JAM3: variants seen among roughly 807,000 people sequenced by gnomAD.
The protein encoded by JAM3 is junctional adhesion molecule C.
A neutral mutation model predicts 39.4 loss-of-function variants in JAM3; 31 were observed. That is an observed-to-expected ratio of 0.79 (90% confidence interval 0.59 to 1.06). The LOEUF is 1.06. Ranked by LOEUF, JAM3 falls within the 50% of genes least tolerant of loss-of-function variation. JAM3 has a pLI of 0.00. For synonymous variants in JAM3, 182 were observed against 148.7 expected, an observed-to-expected ratio of 1.22 and a Z score of -1.63; for missense variants, 455 against 391.4, an observed-to-expected ratio of 1.16 and a Z score of -1.37.
At position 134,147,613 on chromosome 11, in the gene JAM3, A is replaced by AGGCT. The variant is rs541253928; in HGVS notation, c.713-933_713-932insGCTG. Among the ~76,000 whole-genome samples the AGGCT allele has an allele frequency of 1.7e-3, 258 of 151,824 alleles. 3 individuals carry two copies. Among genetic ancestry groups the AGGCT allele is most frequent in the African/African-American group, 5.9e-3 (246 of 41,460 alleles). On this transcript the variant is annotated intron_variant, in intron 6 of 8. Transcript: ENST00000299106. The stretch of plus-strand genomic sequence containing the variant: ...ACCTTTCTCCTGCCTCAGCCTCCTG[A>AGGCT]GTAGCTGGGACTACAGGCACCTGCC...
chr11:134,115,457 A>G (rs188353132), intron 1 of JAM3, among the ~76,000 whole-genome samples: 1 of 151,894 alleles, frequency 6.6e-6, no homozygotes, highest in Admixed American at 6.6e-5. Flanking sequence ...CTTCTTTTCT[A>G]TTGGGTAACT....
intron 1 of JAM3, among the ~76,000 whole-genome samples, chr11:134,084,817 AC>A (rs1941722295): frequency 6.6e-6 from 1 of 152,208 alleles, no homozygotes; most frequent in Admixed American, 6.5e-5. Context: ...TGCTTTAGCT[AC>A]GGTCAGTTAA....
At chr11:134,093,535 A>G (rs1310008059) in intron 1 of JAM3, among the ~76,000 whole-genome samples, 1 of 132,338 alleles carries the variant, frequency 7.6e-6, no homozygotes, top group Non-Finnish European at 1.6e-5. Context: ...AGCCCTCCTT[A>G]TTCATCATGT....
chr11:134,091,889 G>A (rs971557596), intron 1 of JAM3, among the ~76,000 whole-genome samples: 1 of 151,166 alleles, frequency 6.6e-6, no homozygotes, highest in African/African-American at 2.4e-5. Flanking sequence ...ATAAATTTGG[G>A]AAGCTTGAAA....
At chr11:134,125,044 A>G (rs1681345149) in intron 1 of JAM3, among the ~76,000 whole-genome samples, 1 of 152,028 alleles carries the variant, frequency 6.6e-6, no homozygotes, top group African/African-American at 2.4e-5. Context: ...GCGCGTCTCC[A>G]CGAGTCTGTC....
At position 134,144,778 on chromosome 11, in the gene JAM3, C is replaced by CCT. The variant is rs3216140; in HGVS notation, c.410-14_410-13insCT. ...GTCACTGAGATCTTAAACACCACCC[C>CCT]TTTTTCCCCACAGTGAAGCCAGTGA... On this transcript the variant is annotated splice_polypyrimidine_tract_variant and intron_variant, in intron 4 of 8. Coordinates refer to ENST00000299106, the MANE Select transcript of JAM3 (RefSeq NM_032801.5). The CCT allele has an allele frequency of 0.25, 395,709 of 1,609,744 alleles. 52,100 individuals carry two copies. The highest frequency in any genetic ancestry group is 0.47 in the African/African-American group (34,776 of 74,688).
intron 1 of JAM3, among the ~76,000 whole-genome samples, chr11:134,095,971 CATTTT>C (rs1941974929): frequency 6.6e-6 from 1 of 152,070 alleles, no homozygotes; most frequent in African/African-American, 2.4e-5. Flanking sequence ...AGTTGCCATG[CATTTT>C]ATTTATTTAT....
intron 3 of JAM3, among the ~76,000 whole-genome samples, chr11:134,141,749 G>T (rs1283126811): frequency 6.6e-6 from 1 of 152,102 alleles, no homozygotes; most frequent in Non-Finnish European, 1.5e-5. Context: ...CTGGGGCTTG[G>T]CTGTGCCAAG....
At chr11:134,087,237 T>C (rs1941760033) in intron 1 of JAM3, among the ~76,000 whole-genome samples, 1 of 152,112 alleles carries the variant, frequency 6.6e-6, no homozygotes, top group Non-Finnish European at 1.5e-5. Flanking sequence ...ACACACTTTT[T>C]TTGCATATTA....
At chr11:134,091,364 A>G (rs1467405722) in intron 1 of JAM3, among the ~76,000 whole-genome samples, 1 of 152,052 alleles carries the variant, frequency 6.6e-6, no homozygotes, top group African/African-American at 2.4e-5. Flanking sequence ...GTGTGGTGGC[A>G]CGCGCCTGTA....
At chr11:134,095,958 G>A (rs1185229985) in intron 1 of JAM3, among the ~76,000 whole-genome samples, 3 of 152,140 alleles carry the variant, frequency 2.0e-5, no homozygotes, top group Non-Finnish European at 4.4e-5. Flanking sequence ...TGTACATGAT[G>A]TCAGTTGCCA....
In JAM3 at chr11:134,151,181, C is replaced by CT. The variant is rs1057375820; in HGVS notation, c.*2003dup. 1.3e-5 allele frequency: 2 copies of CT among 152,246 alleles called. No individual in the cohort carries two copies. Among genetic ancestry groups the CT allele is most frequent in the Admixed American group, 6.5e-5 (1 of 15,284 alleles). 9.4% of individuals were successfully genotyped at this position (152,246 alleles called of 1,614,324 possible). On this transcript the variant is annotated 3_prime_UTR_variant, in exon 9 of 9. Coordinates refer to ENST00000299106, the MANE Select transcript of JAM3 (RefSeq NM_032801.5). ...CTTCCAGTGTCTTGGGTTTTTTATACTTTGACAGCTTTTTTTTAATTGCAT... is the reference window on the plus strand; with the variant it reads ...CTTCCAGTGTCTTGGGTTTTTTATACTTTTGACAGCTTTTTTTTAATTGCAT...
intron 1 of JAM3, among the ~76,000 whole-genome samples, chr11:134,072,557 G>T (rs772264927): frequency 1.3e-5 from 2 of 152,140 alleles, no homozygotes; most frequent in African/African-American, 4.8e-5. Context: ...TGACCTGCCC[G>T]CCTTGGCCTA....
intron 1 of JAM3, among the ~76,000 whole-genome samples, chr11:134,091,520 G>GATAGATAGATA (rs1565485017): frequency 1.3e-5 from 2 of 150,724 alleles, no homozygotes; most frequent in East Asian, 3.9e-4. Context: ...ATAGATAGAT[G>GATAGATAGATA]GATAGATAGA....
chr11:134,092,884 T>G (rs1451924144), intron 1 of JAM3, among the ~76,000 whole-genome samples: 21 of 142,630 alleles, frequency 1.5e-4, no homozygotes, highest in African/African-American at 2.1e-4. Context: ...TGAGGGAAGC[T>G]TCTCCTGAAC....
intron 1 of JAM3, among the ~76,000 whole-genome samples, chr11:134,121,165 G>A (rs758665278): frequency 6.6e-5 from 10 of 152,196 alleles, no homozygotes; most frequent in Non-Finnish European, 7.3e-5. Context: ...GCTCCAGGGC[G>A]TGAGGAGGTG....
chr11:134,113,937 T>C (rs1259915), intron 1 of JAM3, among the ~76,000 whole-genome samples: 4,506 of 152,346 alleles, frequency 0.03, 240 homozygotes, highest in East Asian at 0.24. Context: ...ATTTGTCTGA[T>C]GGCCAGTGAT....
At position 134,149,558 on chromosome 11, in the gene JAM3, C is replaced by T. The variant is rs185585895; in HGVS notation, c.*377C>T. 14 of 484,168 alleles carry T rather than the reference C, an allele frequency of 2.9e-5. No individual in the cohort carries two copies. Among genetic ancestry groups the T allele is most frequent in the Admixed American group, 9.2e-5 (4 of 43,350 alleles). 30.0% of individuals were successfully genotyped at this position (484,168 alleles called of 1,614,324 possible). Reference sequence around the variant, plus strand: ...TTCACCACTGGTCGTTCAGCAGCCACGACAGCACCATGTGAGATGGCGAGG... The same window carrying T: ...TTCACCACTGGTCGTTCAGCAGCCATGACAGCACCATGTGAGATGGCGAGG... On this transcript the variant is annotated 3_prime_UTR_variant, in exon 9 of 9. Coordinates refer to ENST00000299106, the MANE Select transcript of JAM3 (RefSeq NM_032801.5).
chr11:134,137,584 G>C (rs890231044), intron 1 of JAM3, among the ~76,000 whole-genome samples: 1 of 152,202 alleles, frequency 6.6e-6, no homozygotes, highest in African/African-American at 2.4e-5. Context: ...AGAGCCAGTG[G>C]TGGTGCCTCG....
Sources: gnomAD v4.1 joint callset for allele counts (sites outside exome capture counted in the v4.1 genomes callset) on GRCh38, gnomAD v4.1.1 for gene constraint, MANE v1.5 for transcripts, NCBI Gene and HGNC (gene_info 2026-07-23, HGNC 2026-07-21) for gene names.